The following SCN4B variants were observed in gnomAD, a reference collection of about 807,000 sequenced individuals.
SCN4B encodes the protein sodium voltage-gated channel beta subunit 4.
A neutral mutation model predicts 19.6 loss-of-function variants in SCN4B; 20 were observed. The ratio of observed to expected loss-of-function variants is 1.02; its 90% CI spans 0.72 to 1.48. SCN4B has a LOEUF of 1.48. Among genes scored for constraint, SCN4B ranks in the 40% most tolerant of loss-of-function variants. The pLI is 0.00. For synonymous variants in SCN4B, 127 were observed against 122.8 expected (o/e 1.03, Z -0.22); for missense variants, 271 against 287.5 (o/e 0.94, Z 0.42).
In SCN4B at chr11:118,133,740, G is replaced by C; in HGVS notation, c.*3287C>G. 1 of 454,532 alleles carries C rather than the reference G, an allele frequency of 2.2e-6. No individual in the cohort carries two copies. Among genetic ancestry groups the C allele is most frequent in the Non-Finnish European group, 4.4e-6 (1 of 226,794 alleles). The allele number at this position is 454,532 out of a possible 1,614,324, so 28.2% of individuals were successfully genotyped here. ...AAAGCAAGTTATAGGATTTTCCCGAGAAGTCCCCGCTCCTGGAACTCCCTA... is the reference window on the plus strand; with the variant it reads ...AAAGCAAGTTATAGGATTTTCCCGACAAGTCCCCGCTCCTGGAACTCCCTA... On this transcript the variant is annotated 3_prime_UTR_variant, in exon 5 of 5. Coordinates refer to ENST00000324727, the MANE Select transcript of SCN4B (RefSeq NM_174934.4).
At chr11:118,145,394 C>T in intron 1 of SCN4B, 165 bp from the exon 2 acceptor site, 1 of 1,528,976 alleles carries the variant, frequency 6.5e-7, no homozygotes, top group Non-Finnish European at 8.7e-7. Flanking sequence ...ACCGCCTGGG[C>T]CACCCTCCAT....
At position 118,143,953 on chromosome 11, in the gene SCN4B, A is replaced by C; in HGVS notation, c.343T>G (p.Ser115Ala). The C allele has an allele frequency of 6.2e-7, 1 of 1,614,084 alleles. No homozygotes were observed. Among genetic ancestry groups the C allele is most frequent in the Non-Finnish European group, 8.5e-7 (1 of 1,179,992 alleles). ...AACTCCAGGTCCCTCAGCACAATGG[A>C]AATGTTGTTCATCTTCTCCTTAGTA... ...GSTKEKMNNI[S>A]IVLRDLEFSD... The change falls in exon 3 of 5, where the codon TCC becomes GCC. Residue 115 changes from serine (S) to alanine (A), a missense_variant. By Grantham distance (99) the Ser-to-Ala change is moderately conservative. Coordinates refer to ENST00000324727, the MANE Select transcript of SCN4B (RefSeq NM_174934.4).
At position 118,135,811 on chromosome 11, in the gene SCN4B, G is replaced by A. The variant is rs1394838818; in HGVS notation, c.*1216C>T. On this transcript the variant is annotated 3_prime_UTR_variant, in exon 5 of 5. Transcript: ENST00000324727. ...GCACATTCTAGCCCCACACACAAGG[G>A]CTGTGCAAACCAGCTCTGGGAGAAG... 1 of 454,536 alleles carries A rather than the reference G, an allele frequency of 2.2e-6. No homozygotes were observed. The highest frequency in any genetic ancestry group is 7.0e-5 in the East Asian group (1 of 14,384). The allele number at this position is 454,536 out of a possible 1,614,324, so 28.2% of individuals were successfully genotyped here.
chr11:118,150,284 T>TC (rs1948222623), intron 1 of SCN4B, among the ~76,000 whole-genome samples: 2 of 152,158 alleles, frequency 1.3e-5, no homozygotes. Flanking sequence ...AAACTGCTTC[T>TC]CAGTTTAAGA....
Position 118,136,772 on chromosome 11 carries a change from C to T in SCN4B, c.*255G>A. 2 of 610,428 alleles carry T rather than the reference C, an allele frequency of 3.3e-6. No homozygotes were observed. Among genetic ancestry groups the T allele is most frequent in the Middle Eastern group, 4.3e-4 (1 of 2,326 alleles). The allele number at this position is 610,428 out of a possible 1,614,324, so 37.8% of individuals were successfully genotyped here. A position where few individuals can be genotyped will look rare whatever the true frequency, so the allele number is the denominator to read the frequency against. On this transcript the variant is annotated 3_prime_UTR_variant, in exon 5 of 5. Coordinates refer to ENST00000324727, the MANE Select transcript of SCN4B (RefSeq NM_174934.4). Reference sequence around the variant, plus strand: ...GTGTCAGGGGACCAGCCCCTCCACACCACCCTAGCCTCTCCTTTCTTTCTC... The same window carrying T: ...GTGTCAGGGGACCAGCCCCTCCACATCACCCTAGCCTCTCCTTTCTTTCTC...
At position 118,136,444 on chromosome 11, in the gene SCN4B, C is replaced by T. The variant is rs187776222; in HGVS notation, c.*583G>A. 1.5e-5 allele frequency: 7 copies of T among 452,922 alleles called. No individual in the cohort carries two copies. The highest frequency in any genetic ancestry group is 7.0e-5 in the East Asian group (1 of 14,282). 28.1% of individuals were successfully genotyped at this position (452,922 alleles called of 1,614,324 possible). A position where few individuals can be genotyped will look rare whatever the true frequency, so the allele number is the denominator to read the frequency against. On this transcript the variant is annotated 3_prime_UTR_variant, in exon 5 of 5. Coordinates refer to ENST00000324727, the MANE Select transcript of SCN4B (RefSeq NM_174934.4). ...GGGAGGGGATAGGCAGATAGGGTCC[C>T]GGGGCAGGGGAAAGGAAGTTTCCTA...
At chr11:118,147,407 G>T (rs118075375) in intron 1 of SCN4B, among the ~76,000 whole-genome samples, 3 of 152,114 alleles carry the variant, frequency 2.0e-5, no homozygotes, top group East Asian at 1.9e-4. Context: ...GAGGAAACAG[G>T]CTTAAAAAGA....
At chr11:118,147,936 C>T (rs76663919) in intron 1 of SCN4B, among the ~76,000 whole-genome samples, 10 of 152,146 alleles carry the variant, frequency 6.6e-5, no homozygotes, top group African/African-American at 1.4e-4. Context: ...ACAAAAGATG[C>T]GTGCGAAAAG....
At chr11:118,145,970 T>C (rs955209520) in intron 1 of SCN4B, among the ~76,000 whole-genome samples, 2 of 151,078 alleles carry the variant, frequency 1.3e-5, no homozygotes, top group South Asian at 2.1e-4. Context: ...GCTTGGAGCT[T>C]GGCAGCCGCG....
chr11:118,145,386 C>T, intron 1 of SCN4B, 157 bp from the exon 2 acceptor site: 2 of 1,531,514 alleles, frequency 1.3e-6, no homozygotes, highest in East Asian at 2.5e-5. Flanking sequence ...CAATCAGCAC[C>T]GCCTGGGCCA....
intron 3 of SCN4B, among the ~76,000 whole-genome samples, chr11:118,142,128 C>A (rs1464331379): frequency 6.6e-6 from 1 of 152,254 alleles, no homozygotes; most frequent in African/African-American, 2.4e-5. Flanking sequence ...AGCTTCCTAA[C>A]TGATCTCCTC....
Position 118,136,006 on chromosome 11 carries a change from C to T in SCN4B, c.*1021G>A, listed in dbSNP as rs1401166090. ...TGACCCAGGGCTGGGAAATGAACCA[C>T]CCTGGGGGCAGGGCGTGATGGAGGG... On this transcript the variant is annotated 3_prime_UTR_variant, in exon 5 of 5. Coordinates refer to ENST00000324727, the MANE Select transcript of SCN4B (RefSeq NM_174934.4). 4.5e-6 allele frequency: 2 copies of T among 444,656 alleles called. No individual in the cohort carries two copies. Among genetic ancestry groups the T allele is most frequent in the Non-Finnish European group, 8.9e-6 (2 of 223,798 alleles). The allele number at this position is 444,656 out of a possible 1,614,324, so 27.5% of individuals were successfully genotyped here. A position where few individuals can be genotyped will look rare whatever the true frequency, so the allele number is the denominator to read the frequency against.
chr11:118,150,778 C>G (rs185008466), intron 1 of SCN4B, among the ~76,000 whole-genome samples: 30 of 152,302 alleles, frequency 2.0e-4, no homozygotes, highest in African/African-American at 7.0e-4. Context: ...GACTGAGAAG[C>G]AAGGATGTCA....
At position 118,147,647 on chromosome 11, in the gene SCN4B, G is replaced by A. The variant is rs375343638; in HGVS notation, c.62-2418C>T. On this transcript the variant is annotated intron_variant, in intron 1 of 4. Coordinates refer to ENST00000324727, the MANE Select transcript of SCN4B (RefSeq NM_174934.4). The stretch of plus-strand genomic sequence containing the variant: ...ACAAGATCCCACTCTCCAGTCTGCA[G>A]CCAGCACTAGAACCTTTTGGTGGGA... Among the ~76,000 whole-genome samples the A allele has an allele frequency of 2.0e-5, 3 of 152,208 alleles. No homozygotes were observed. The East Asian group carries it at 5.8e-4, about 29-fold the overall frequency.
chr11:118,145,418 TC>T (rs1411629524), intron 1 of SCN4B, 189 bp from the exon 2 acceptor site: 1 of 1,517,636 alleles, frequency 6.6e-7, no homozygotes, highest in Admixed American at 2.0e-5. Context: ...TCTCCATTTC[TC>T]CCCTGGAAAG....
At chr11:118,143,799 A>T (rs1469059575) in intron 3 of SCN4B, 34 bp downstream of exon 3, 8 of 1,539,082 alleles carry the variant, frequency 5.2e-6, no homozygotes, top group Non-Finnish European at 7.2e-6. Context: ...AGTCCTTCCC[A>T]CGCCACTGCC....
Position 118,134,699 on chromosome 11 carries a change from T to C in SCN4B, c.*2328A>G. On this transcript the variant is annotated 3_prime_UTR_variant, in exon 5 of 5. Transcript: ENST00000324727. ...GGGATGGAAAGAAAGAGAGAGAGAG[T>C]GTGTGTGTCTGTATGTGGGTTGTAG... The C allele has an allele frequency of 2.2e-6, 1 of 452,180 alleles. No homozygotes were observed. Among genetic ancestry groups the C allele is most frequent in the Non-Finnish European group, 4.4e-6 (1 of 226,308 alleles). 28.0% of individuals were successfully genotyped at this position (452,180 alleles called of 1,614,324 possible). A position where few individuals can be genotyped will look rare whatever the true frequency, so the allele number is the denominator to read the frequency against.
At position 118,152,780 on chromosome 11, in the gene SCN4B, C is replaced by A; in HGVS notation, c.-107G>T. 1 of 811,852 alleles carries A rather than the reference C, an allele frequency of 1.2e-6. No individual in the cohort carries two copies. The highest frequency in any genetic ancestry group is 1.7e-5 in the African/African-American group (1 of 57,246). The allele number at this position is 811,852 out of a possible 1,614,324, so 50.3% of individuals were successfully genotyped here. On this transcript the variant is annotated 5_prime_UTR_variant, in exon 1 of 5. Coordinates refer to ENST00000324727, the MANE Select transcript of SCN4B (RefSeq NM_174934.4). Reference sequence around the variant, plus strand: ...TCGGCCACAAAGCTACCCCGGAGCTCTGCGCCGCCGGTCGGGGCTCGGGAA... The same window carrying A: ...TCGGCCACAAAGCTACCCCGGAGCTATGCGCCGCCGGTCGGGGCTCGGGAA...
At chr11:118,138,140 G>A (rs1948044892) in intron 4 of SCN4B, among the ~76,000 whole-genome samples, 1 of 152,218 alleles carries the variant, frequency 6.6e-6, no homozygotes, top group African/African-American at 2.4e-5. Flanking sequence ...TCCCCAGGGA[G>A]CACCTGCATC....
Sources: allele counts gnomAD v4.1 joint callset (sites outside exome capture counted in the v4.1 genomes callset), GRCh38; gene constraint gnomAD v4.1.1; transcripts MANE v1.5; gene names NCBI Gene and HGNC (gene_info 2026-07-23, HGNC 2026-07-21).